NECAB1: variants seen among roughly 807,000 people sequenced by gnomAD.
NECAB1 encodes N-terminal EF-hand calcium binding protein 1.
In NECAB1, 29 loss-of-function variants were observed where a neutral mutation model predicts 57.5. The observed-to-expected ratio is 0.50, with a 90% CI of 0.38 to 0.69. NECAB1 has a LOEUF of 0.69. Ranked by LOEUF, NECAB1 falls within the 30% of genes least tolerant of loss-of-function variation. NECAB1 has a pLI of 0.00. For missense variants in NECAB1, 372 were observed against 413.8 expected (o/e 0.90, Z 0.88); for synonymous variants, 142 against 147.7 (o/e 0.96, Z 0.28).
At chr8:90,829,194 C>T (rs1586044449) in intron 3 of NECAB1, among the ~76,000 whole-genome samples, 1 of 151,990 alleles carries the variant, frequency 6.6e-6, no homozygotes, top group East Asian at 1.9e-4. Flanking sequence ...GTAAAAGAAA[C>T]TAACCTAGCA....
chr8:90,919,094 T>C (rs1402795937), intron 6 of NECAB1, among the ~76,000 whole-genome samples: 1 of 152,164 alleles, frequency 6.6e-6, no homozygotes, highest in African/African-American at 2.4e-5. Context: ...TTGCAATAGC[T>C]ATATAAATAA....
intron 3 of NECAB1, among the ~76,000 whole-genome samples, chr8:90,826,789 T>G (rs1037340608): frequency 2.7e-4 from 41 of 151,826 alleles, no homozygotes; most frequent in Non-Finnish European, 7.4e-5. Flanking sequence ...TGCTATTTTA[T>G]TTATATAATT....
intron 3 of NECAB1, among the ~76,000 whole-genome samples, chr8:90,855,556 A>T (rs930741016): frequency 6.6e-6 from 1 of 152,230 alleles, no homozygotes; most frequent in African/African-American, 2.4e-5. Context: ...TGAAATATGA[A>T]TTAGTGAATT....
At chr8:90,943,607 G>T (rs931534873) in intron 10 of NECAB1, among the ~76,000 whole-genome samples, 1 of 152,188 alleles carries the variant, frequency 6.6e-6, no homozygotes, top group Admixed American at 6.5e-5. Context: ...ATTGCCTAGT[G>T]CTTGGCTGAG....
chr8:90,859,597 C>T (rs9969519), intron 3 of NECAB1, among the ~76,000 whole-genome samples: 70,852 of 151,894 alleles, frequency 0.47, 20,004 homozygotes, highest in East Asian at 0.77. Context: ...GAATTTCAGT[C>T]CCTTGATGCT....
chr8:90,934,151 G>C (rs1810474828), intron 8 of NECAB1, among the ~76,000 whole-genome samples, 153 bp from the exon 9 acceptor site: 2 of 152,200 alleles, frequency 1.3e-5, no homozygotes, highest in South Asian at 2.1e-4. Context: ...TGGAACAGCT[G>C]AGTTTTAAAA....
At chr8:90,861,516 A>G (rs1177606435) in intron 3 of NECAB1, among the ~76,000 whole-genome samples, 2 of 152,182 alleles carry the variant, frequency 1.3e-5, no homozygotes, top group Non-Finnish European at 2.9e-5. Context: ...AAAAGTAATC[A>G]ATTCCATATG....
intron 2 of NECAB1, among the ~76,000 whole-genome samples, chr8:90,824,227 G>A (rs1255474679): frequency 6.6e-6 from 1 of 151,764 alleles, no homozygotes; most frequent in Non-Finnish European, 1.5e-5. Context: ...TGGCTTTAAA[G>A]GTACTCACTG....
At chr8:90,839,218 G>A (rs1812416731) in intron 3 of NECAB1, among the ~76,000 whole-genome samples, 1 of 152,100 alleles carries the variant, frequency 6.6e-6, no homozygotes, top group Non-Finnish European at 1.5e-5. Context: ...TACCACAAAA[G>A]GCTAGTGAAG....
chr8:90,888,463 T>G (rs1013063846), intron 5 of NECAB1, among the ~76,000 whole-genome samples: 10 of 152,164 alleles, frequency 6.6e-5, no homozygotes. Context: ...GAATTAAATT[T>G]GATATGACTC....
At chr8:90,867,909 T>C (rs557181385) in intron 3 of NECAB1, among the ~76,000 whole-genome samples, 2 of 152,188 alleles carry the variant, frequency 1.3e-5, no homozygotes, top group Non-Finnish European at 2.9e-5. Context: ...TTTGGCTCTA[T>C]GTCCCCACTC....
intron 5 of NECAB1, among the ~76,000 whole-genome samples, chr8:90,899,066 G>A (rs1191751816): frequency 2.0e-5 from 3 of 152,228 alleles, no homozygotes; most frequent in African/African-American, 7.2e-5. Context: ...GGAAATGGAA[G>A]TTGGGCTGGC....
At chr8:90,888,193 ATT>A (rs1429916901) in intron 5 of NECAB1, among the ~76,000 whole-genome samples, 5 of 152,168 alleles carry the variant, frequency 3.3e-5, no homozygotes, top group Admixed American at 6.5e-5. Flanking sequence ...TAGCGGGAAC[ATT>A]TATATTCCTA....
chr8:90,949,215 T>G (rs1810877109), intron 10 of NECAB1, among the ~76,000 whole-genome samples: 1 of 145,222 alleles, frequency 6.9e-6, no homozygotes. Flanking sequence ...AGAGAGAGTT[T>G]GAAAGAGAGG....
intron 5 of NECAB1, among the ~76,000 whole-genome samples, chr8:90,902,668 A>T (rs1031390113): frequency 6.6e-6 from 1 of 152,206 alleles, no homozygotes; most frequent in African/African-American, 2.4e-5. Flanking sequence ...TCTATCAATT[A>T]AAAATGTTTA....
At chr8:90,931,887 G>A (rs1810415219) in intron 8 of NECAB1, among the ~76,000 whole-genome samples, 1 of 151,406 alleles carries the variant, frequency 6.6e-6, no homozygotes, top group Admixed American at 6.6e-5. Context: ...CTGAGCGAAA[G>A]AGTAAAACTC....
At chr8:90,818,747 G>C (rs1317038696) in intron 2 of NECAB1, among the ~76,000 whole-genome samples, 1 of 151,814 alleles carries the variant, frequency 6.6e-6, no homozygotes, top group Non-Finnish European at 1.5e-5. Flanking sequence ...ATCCTCTTTG[G>C]TACTCTCTGA....
chr8:90,945,921 G>A (rs1035492865), intron 10 of NECAB1, among the ~76,000 whole-genome samples: 4 of 152,210 alleles, frequency 2.6e-5, no homozygotes, highest in African/African-American at 9.6e-5. Flanking sequence ...GACACAGGCT[G>A]TTTCGGGTGA....
chr8:90,880,905 C>G (rs1586080365), intron 4 of NECAB1, 128 bp from the exon 5 acceptor site: 2 of 640,296 alleles, frequency 3.1e-6, no homozygotes, highest in East Asian at 6.1e-5. Flanking sequence ...TATTTGGAAA[C>G]CTTCCAGTTT....
Sources: allele counts gnomAD v4.1 joint callset (sites outside exome capture counted in the v4.1 genomes callset), GRCh38; gene constraint gnomAD v4.1.1; transcripts MANE v1.5; gene names NCBI Gene and HGNC (gene_info 2026-07-23, HGNC 2026-07-21).